The following HHAT variants were observed in gnomAD, a reference collection of about 807,000 sequenced individuals.
HHAT encodes the protein hedgehog acyltransferase.
In HHAT, 47 loss-of-function variants were observed where a neutral mutation model predicts 70.8. The ratio of observed to expected loss-of-function variants is 0.66; its 90% confidence interval spans 0.53 to 0.85. The LOEUF (loss-of-function observed/expected upper bound fraction) is 0.85. HHAT is among the 40% of genes least tolerant of loss of function. The pLI is 0.00. For missense variants in HHAT, 609 were observed against 604.8 expected (o/e 1.01, Z -0.07); for synonymous variants, 228 against 247.6 (o/e 0.92, Z 0.74).
intron 9 of HHAT, among the ~76,000 whole-genome samples, chr1:210,587,105 A>G (rs1427085811): frequency 6.6e-6 from 1 of 152,244 alleles, no homozygotes; most frequent in Non-Finnish European, 1.5e-5. Flanking sequence ...CATTTAAATA[A>G]TGGGTTTACC....
intron 10 of HHAT, among the ~76,000 whole-genome samples, chr1:210,614,439 T>C (rs895686155): frequency 5.9e-5 from 9 of 152,172 alleles, no homozygotes; most frequent in African/African-American, 1.9e-4. Context: ...TACTTTACAT[T>C]CTAGGATACA....
intron 7 of HHAT, among the ~76,000 whole-genome samples, chr1:210,425,998 T>A (rs2093050679): frequency 6.6e-6 from 1 of 152,212 alleles, no homozygotes; most frequent in African/African-American, 2.4e-5. Context: ...TCCATTTGTT[T>A]TGTATCATCT....
intron 10 of HHAT, among the ~76,000 whole-genome samples, chr1:210,601,970 A>AGTGTGT (rs10646355): frequency 0.34 from 50,271 of 149,244 alleles, 8,659 homozygotes; most frequent in East Asian, 0.54. Flanking sequence ...TGTGTGTGAG[A>AGTGTGT]GTGTGTGTGT....
chr1:210,345,436 T>C (rs1210952809), intron 1 of HHAT, among the ~76,000 whole-genome samples: 3 of 152,382 alleles, frequency 2.0e-5, no homozygotes, highest in Middle Eastern at 3.4e-3. Flanking sequence ...GTGCTCCTTA[T>C]AATTTTTGCT....
Position 210,442,312 on chromosome 1 carries a change from C to T in HHAT, c.857-22193C>T, listed in dbSNP as rs918361131. ...TGTGAATAATGCCGCAGTAAACATA[C>T]GTGTGCATGTGTCTTTATAGCAGCA... On this transcript the variant is annotated intron_variant, in intron 7 of 11. Coordinates refer to ENST00000261458, the MANE Select transcript of HHAT (RefSeq NM_018194.6). 3.7e-4 allele frequency among the ~76,000 whole-genome samples: 50 copies of T among 135,972 alleles called. No homozygotes were observed. The South Asian group carries it at 9.7e-3, about 26-fold the overall frequency. 89.2% of individuals were successfully genotyped at this position (135,972 alleles called of 152,430 possible). A position where few individuals can be genotyped will look rare whatever the true frequency, so the allele number is the denominator to read the frequency against.
At chr1:210,452,516 G>C (rs1366150387) in intron 7 of HHAT, among the ~76,000 whole-genome samples, 1 of 152,132 alleles carries the variant, frequency 6.6e-6, no homozygotes, top group Non-Finnish European at 1.5e-5. Context: ...GTATTGTTTT[G>C]AAGCAAATCC....
chr1:210,616,107 C>T (rs1345503414), intron 10 of HHAT, among the ~76,000 whole-genome samples: 1 of 152,178 alleles, frequency 6.6e-6, no homozygotes, highest in Non-Finnish European at 1.5e-5. Flanking sequence ...TTGGGCAAAA[C>T]ATATTTTGAA....
intron 3 of HHAT, among the ~76,000 whole-genome samples, chr1:210,382,508 A>G (rs1175943753): frequency 3.3e-5 from 5 of 152,208 alleles, no homozygotes; most frequent in African/African-American, 4.8e-5. Flanking sequence ...AATGTTGGGC[A>G]TCTAGGAGAC....
At chr1:210,670,696 C>G (rs1192258917) in intron 11 of HHAT, among the ~76,000 whole-genome samples, 1 of 152,202 alleles carries the variant, frequency 6.6e-6, no homozygotes, top group Non-Finnish European at 1.5e-5. Flanking sequence ...CATGCCACGT[C>G]TACTGTCTGT....
chr1:210,395,878 A>G (rs2091755007), intron 4 of HHAT, among the ~76,000 whole-genome samples: 1 of 152,170 alleles, frequency 6.6e-6, no homozygotes, highest in African/African-American at 2.4e-5. Context: ...TATTCTCTCC[A>G]TCCTTCCATC....
chr1:210,608,923 A>AG lies in HHAT; in HGVS notation c.1246-14599dup, dbSNP rs1462982569. Among the ~76,000 whole-genome samples the AG allele has an allele frequency of 2.0e-5, 3 of 152,124 alleles. 1 individual carries two copies. The highest frequency in any genetic ancestry group is 2.0e-4 in the Admixed American group (3 of 15,268). On this transcript the variant is annotated intron_variant, in intron 10 of 11. Transcript: ENST00000261458. The stretch of plus-strand genomic sequence containing the variant: ...AACTTACAATCATGGCGGAAGGCGA[A>AG]GGGGATGCAAGGCACCTTCTTCACA...
In HHAT at chr1:210,420,740, G is replaced by C. The variant is rs577397356; in HGVS notation, c.856+2415G>C. 8.6e-5 allele frequency among the ~76,000 whole-genome samples: 13 copies of C among 150,930 alleles called. No homozygotes were observed. The East Asian group carries it at 2.3e-3, about 27-fold the overall frequency. ...TGTGCATGAGTGTATGCATGTCTCTGTGTGTGTGTAAACTCTCACAAAGCC... is the reference window on the plus strand; with the variant it reads ...TGTGCATGAGTGTATGCATGTCTCTCTGTGTGTGTAAACTCTCACAAAGCC... On this transcript the variant is annotated intron_variant, in intron 7 of 11. Transcript: ENST00000261458.
At chr1:210,513,771 A>G (rs1050778071) in intron 9 of HHAT, among the ~76,000 whole-genome samples, 3 of 152,236 alleles carry the variant, frequency 2.0e-5, no homozygotes, top group Non-Finnish European at 4.4e-5. Flanking sequence ...TTTGTCTGCT[A>G]TCAACTTTGC....
At chr1:210,350,726 A>G (rs1328648437) in intron 2 of HHAT, among the ~76,000 whole-genome samples, 1 of 152,056 alleles carries the variant, frequency 6.6e-6, no homozygotes, top group African/African-American at 2.4e-5. Flanking sequence ...TTTCTTTTCA[A>G]TCTTATATAC....
At chr1:210,543,152 A>C (rs2095447576) in intron 9 of HHAT, among the ~76,000 whole-genome samples, 1 of 152,206 alleles carries the variant, frequency 6.6e-6, no homozygotes, top group African/African-American at 2.4e-5. Flanking sequence ...AGCTGATGGA[A>C]TAGCCTTTAA....
rs150146651 is a variant in HHAT, at chr1:210,535,105, G to A, written c.1043+21917G>A. Among the ~76,000 whole-genome samples, 681 of 152,288 alleles carry A rather than the reference G, an allele frequency of 4.5e-3. 4 individuals are homozygous for A. The highest frequency in any genetic ancestry group is 0.016 in the African/African-American group (658 of 41,552). On this transcript the variant is annotated intron_variant, in intron 9 of 11. Coordinates refer to ENST00000261458, the MANE Select transcript of HHAT (RefSeq NM_018194.6). ...TAGCTATGTTGAGCACCAGGGAGGA[G>A]CACAGAGGCCTCTCTGGGGCAAAGA...
chr1:210,527,912 T>A (rs541850937), intron 9 of HHAT, among the ~76,000 whole-genome samples: 1 of 152,244 alleles, frequency 6.6e-6, no homozygotes, highest in Admixed American at 6.5e-5. Flanking sequence ...CTCTGAGTTA[T>A]GTCAAGCAAA....
intron 7 of HHAT, among the ~76,000 whole-genome samples, chr1:210,422,839 G>T (rs527758379): frequency 6.6e-6 from 1 of 152,072 alleles, no homozygotes; most frequent in Admixed American, 6.6e-5. Context: ...GTTTCACCAC[G>T]TTGGCCAGGC....
At chr1:210,642,315 T>G (rs1673131161) in intron 11 of HHAT, among the ~76,000 whole-genome samples, 1 of 152,246 alleles carries the variant, frequency 6.6e-6, no homozygotes, top group African/African-American at 2.4e-5. Flanking sequence ...GATGATGGAC[T>G]TGTAGATTGT....
Sources: gnomAD v4.1 joint callset for allele counts (sites outside exome capture counted in the v4.1 genomes callset) on GRCh38, gnomAD v4.1.1 for gene constraint, MANE v1.5 for transcripts, NCBI Gene and HGNC (gene_info 2026-07-23, HGNC 2026-07-21) for gene names.